ZBBX: variants seen among roughly 807,000 people sequenced by gnomAD.
The protein encoded by ZBBX is zinc finger B-box domain-containing protein 1.
A neutral mutation model predicts 108.5 loss-of-function variants in ZBBX; 101 were observed. The observed-to-expected ratio is 0.93, with a 90% CI of 0.79 to 1.10. The LOEUF is 1.10. Ranked by LOEUF, ZBBX falls within the 50% of genes least tolerant of loss-of-function variation. The probability of loss-of-function intolerance (pLI) is 0.00; values close to 1 mark genes in which losing one functional copy is unlikely to be tolerated. For missense variants in ZBBX, 1,009 were observed against 941.4 expected, an observed-to-expected ratio of 1.07 and a Z score of -0.94; for synonymous variants, 356 against 323.4, an observed-to-expected ratio of 1.10 and a Z score of -1.08.
chr3:167,374,176 G>T (rs182385684), intron 2 of ZBBX, among the ~76,000 whole-genome samples: 107 of 151,904 alleles, frequency 7.0e-4, no homozygotes, highest in African/African-American at 2.5e-3. Context: ...GAAAATTAAG[G>T]TATGTAATAA....
intron 18 of ZBBX, among the ~76,000 whole-genome samples, chr3:167,289,338 C>A (rs1274966354): frequency 6.6e-6 from 1 of 152,132 alleles, no homozygotes; most frequent in Non-Finnish European, 1.5e-5. Flanking sequence ...AGGAACAGCT[C>A]CAGTCTGCAG....
chr3:167,242,015 C>T (rs1005661709), intron 21 of ZBBX, among the ~76,000 whole-genome samples: 3 of 152,064 alleles, frequency 2.0e-5, no homozygotes, highest in African/African-American at 7.2e-5. Flanking sequence ...GCTGATCTGA[C>T]CATCCCTAAA....
intron 20 of ZBBX, among the ~76,000 whole-genome samples, chr3:167,251,908 C>T (rs1238608508): frequency 7.1e-6 from 1 of 140,960 alleles, no homozygotes; most frequent in African/African-American, 2.8e-5. Flanking sequence ...CTCGATTCAT[C>T]ATGATGTTGT....
intron 17 of ZBBX, among the ~76,000 whole-genome samples, chr3:167,302,449 A>AT (rs544995912): frequency 6.3e-4 from 95 of 151,624 alleles, no homozygotes; most frequent in Admixed American, 1.2e-3. Flanking sequence ...ATTACCTTAA[A>AT]TTTTTTTTTA....
chr3:167,276,519 T>A (rs1257720344), intron 20 of ZBBX, among the ~76,000 whole-genome samples: 1 of 151,668 alleles, frequency 6.6e-6, no homozygotes, highest in Non-Finnish European at 1.5e-5. Flanking sequence ...ATGAATAAAA[T>A]GAAGTGAGAA....
At chr3:167,407,034 A>G (rs1399514390) in intron 1 of ZBBX, among the ~76,000 whole-genome samples, 1 of 152,056 alleles carries the variant, frequency 6.6e-6, no homozygotes, top group East Asian at 1.9e-4. Context: ...TGTGAAAGCC[A>G]CTCTCAGCCC....
upstream of ZBBX, among the ~76,000 whole-genome samples, chr3:167,382,724 A>C (rs772931751): frequency 3.9e-5 from 6 of 152,172 alleles, no homozygotes; most frequent in Non-Finnish European, 8.8e-5. Flanking sequence ...TCTGAGCATT[A>C]CATGATTTTC....
the ZBBX span, among the ~76,000 whole-genome samples, chr3:167,209,330 G>A: frequency 4.6e-5 from 7 of 152,152 alleles, no homozygotes; most frequent in African/African-American, 1.7e-4. Flanking sequence ...CAGTCCCAGT[G>A]CTGGTGGCCA....
the ZBBX span, among the ~76,000 whole-genome samples, chr3:167,223,666 A>T: frequency 4.6e-5 from 7 of 151,840 alleles, no homozygotes; most frequent in East Asian, 1.2e-3. Flanking sequence ...ATGAACAAGA[A>T]CCCCTTATAA....
intron 20 of ZBBX, among the ~76,000 whole-genome samples, chr3:167,264,366 T>C (rs1406141341): frequency 1.3e-5 from 2 of 152,152 alleles, no homozygotes; most frequent in Non-Finnish European, 2.9e-5. Context: ...TTTTTTTATA[T>C]CTTTTGTATG....
intron 11 of ZBBX, among the ~76,000 whole-genome samples, chr3:167,327,427 C>G (rs1164547500): frequency 1.3e-5 from 2 of 152,134 alleles, no homozygotes; most frequent in East Asian, 3.9e-4. Context: ...AAAACAAATG[C>G]AAATCCCCCT....
chr3:167,310,992 A>G (rs1313775476), intron 16 of ZBBX, among the ~76,000 whole-genome samples: 1 of 152,174 alleles, frequency 6.6e-6, no homozygotes, highest in Non-Finnish European at 1.5e-5. Flanking sequence ...ATGACCCAGG[A>G]TAGTGAACAC....
intron 9 of ZBBX, among the ~76,000 whole-genome samples, chr3:167,347,652 G>T (rs1402496556): frequency 6.6e-6 from 1 of 151,972 alleles, no homozygotes; most frequent in African/African-American, 2.4e-5. Flanking sequence ...AATTCCGTTA[G>T]GTGAAATAAT....
chr3:167,313,268 A>G (rs1734892832), intron 16 of ZBBX, among the ~76,000 whole-genome samples: 1 of 151,824 alleles, frequency 6.6e-6, no homozygotes, highest in Admixed American at 6.6e-5. Flanking sequence ...TATAAGCAAG[A>G]TGATGTGTTT....
chr3:167,391,708 T>A (rs55748371), intron 1 of ZBBX, among the ~76,000 whole-genome samples: 42,718 of 151,568 alleles, frequency 0.28, 6,167 homozygotes, highest in South Asian at 0.32. Flanking sequence ...AATAAAGTCA[T>A]CTTTCTTTTC....
At chr3:167,246,996 A>C (rs1721685176) in intron 20 of ZBBX, among the ~76,000 whole-genome samples, 1 of 152,346 alleles carries the variant, frequency 6.6e-6, no homozygotes. Context: ...AGTGATACGG[A>C]AGTACGGCAG....
At chr3:167,223,705 A>G in the ZBBX span, among the ~76,000 whole-genome samples, 1 of 151,682 alleles carries the variant, frequency 6.6e-6, no homozygotes. Flanking sequence ...AATTCAGGCA[A>G]AATTTTTGCC....
intron 20 of ZBBX, among the ~76,000 whole-genome samples, chr3:167,261,630 G>A (rs899116115): frequency 2.0e-5 from 3 of 151,858 alleles, no homozygotes; most frequent in Admixed American, 2.0e-4. Context: ...GCAGTCACAA[G>A]CCTCATCCAG....
chr3:167,314,996 G>T (rs745669759), intron 15 of ZBBX, among the ~76,000 whole-genome samples: 8 of 152,148 alleles, frequency 5.3e-5, no homozygotes, highest in Non-Finnish European at 1.2e-4. Flanking sequence ...TGCTGCTAGA[G>T]AGCTGGTTCT....
Sources: allele counts gnomAD v4.1 joint callset (sites outside exome capture counted in the v4.1 genomes callset), GRCh38; gene constraint gnomAD v4.1.1; transcripts MANE v1.5; gene names NCBI Gene and HGNC (gene_info 2026-07-23, HGNC 2026-07-21).